The following CACNG4 variants were observed in gnomAD, a reference collection of about 807,000 sequenced individuals.
The protein encoded by CACNG4 is voltage-dependent calcium channel gamma-4 subunit.
A neutral mutation model predicts 22.9 loss-of-function variants in CACNG4; 8 were observed. The ratio of observed to expected loss-of-function variants is 0.35; its 90% CI spans 0.21 to 0.63. The LOEUF is 0.63. Among genes scored for constraint, CACNG4 ranks in the 30% least tolerant of loss-of-function variants. The pLI is 0.72. For missense variants in CACNG4, 357 were observed against 455.4 expected (o/e 0.78, Z 1.97); for synonymous variants, 188 against 191.9 (o/e 0.98, Z 0.17).
chr17:67,009,275 T>C (rs2035454651), intron 1 of CACNG4, among the ~76,000 whole-genome samples: 1 of 152,168 alleles, frequency 6.6e-6, no homozygotes, highest in African/African-American at 2.4e-5. Context: ...TGTATGATAC[T>C]TCGTTAAAGT....
At chr17:66,973,641 G>A (rs563713394) in intron 1 of CACNG4, among the ~76,000 whole-genome samples, 10 of 152,330 alleles carry the variant, frequency 6.6e-5, no homozygotes, top group South Asian at 2.1e-4. Flanking sequence ...ACTCCCTCCC[G>A]TGGTGTCTGT....
chr17:66,978,185 C>T (rs1197521355), intron 1 of CACNG4, among the ~76,000 whole-genome samples: 1 of 152,150 alleles, frequency 6.6e-6, no homozygotes, highest in African/African-American at 2.4e-5. Flanking sequence ...AGCTGTGGGG[C>T]CTTAAGCCAG....
chr17:66,978,811 C>G (rs1001341105), intron 1 of CACNG4, among the ~76,000 whole-genome samples: 2 of 152,234 alleles, frequency 1.3e-5, no homozygotes, highest in Non-Finnish European at 2.9e-5. Flanking sequence ...TTCCTGATAT[C>G]CAACTCCTCT....
intron 1 of CACNG4, among the ~76,000 whole-genome samples, chr17:66,974,985 TG>T (rs1332930311): frequency 7.2e-5 from 10 of 139,012 alleles, no homozygotes; most frequent in Admixed American, 1.4e-4. Flanking sequence ...GACTTGCCTC[TG>T]AGGACTGTAG....
chr17:66,980,801 T>C (rs947668836), intron 1 of CACNG4, among the ~76,000 whole-genome samples: 3 of 151,720 alleles, frequency 2.0e-5, no homozygotes, highest in Admixed American at 6.6e-5. Context: ...GTATTTTCAG[T>C]AGAGACAGGG....
At chr17:66,973,699 G>A (rs3785599) in intron 1 of CACNG4, among the ~76,000 whole-genome samples, 83,982 of 152,038 alleles carry the variant, frequency 0.55, 23,432 homozygotes, top group Middle Eastern at 0.71. Flanking sequence ...TCAGAGAAGC[G>A]GCACTGCCCT....
In CACNG4 at chr17:67,030,984, C is replaced by A; in HGVS notation, c.964C>A (p.Arg322=). 6.2e-7 allele frequency: 1 copy of A among 1,612,310 alleles called. No homozygotes were observed. Among genetic ancestry groups the A allele is most frequent in the Non-Finnish European group, 8.5e-7 (1 of 1,178,750 alleles). ...AGGTTTCCACGTCAGCATGCTGAAC[C>A]GACGGACGACCCCTGTGTGAGCCGC... ...KEGFHVSMLN[R]RTTPV Residue 322 remains arginine (R), a synonymous_variant, in exon 4 of 4, where the codon CGA becomes AGA. Transcript: ENST00000262138. This position sits in a 1 kb window ranked among gnomAD's most constrained non-coding sequence, Gnocchi z 6.4.
intron 1 of CACNG4, among the ~76,000 whole-genome samples, chr17:66,967,115 C>G (rs2035175766): frequency 6.6e-6 from 1 of 152,204 alleles, no homozygotes; most frequent in African/African-American, 2.4e-5. Flanking sequence ...CGCCAGCAAA[C>G]CTGGCTTCCT....
At chr17:66,988,892 A>G (rs993810532) in intron 1 of CACNG4, among the ~76,000 whole-genome samples, 2 of 151,790 alleles carry the variant, frequency 1.3e-5, no homozygotes, top group South Asian at 2.1e-4. Flanking sequence ...AACCCTGTCT[A>G]TACTAAAAAT....
chr17:66,995,820 G>A lies in CACNG4; in HGVS notation c.221-22369G>A, dbSNP rs200398936. Among the ~76,000 whole-genome samples the A allele has an allele frequency of 1.3e-4, 19 of 151,936 alleles. 1 individual carries two copies. The East Asian group carries it at 1.7e-3, about 14-fold the overall frequency. On this transcript the variant is annotated intron_variant, in intron 1 of 3. Transcript: ENST00000262138. ...AGCCAAGATCGTGCCACTGCACTCC[G>A]GCCTGGGTGACAGAGCAAGACTCCA...
intron 1 of CACNG4, among the ~76,000 whole-genome samples, chr17:67,003,306 A>G (rs192783626): frequency 6.6e-6 from 1 of 151,956 alleles, no homozygotes; most frequent in Admixed American, 6.6e-5. Context: ...TACAGCTAAT[A>G]GGTGGTAACA....
chr17:66,996,595 G>A (rs1315317437), intron 1 of CACNG4, among the ~76,000 whole-genome samples: 1 of 152,012 alleles, frequency 6.6e-6, no homozygotes, highest in African/African-American at 2.4e-5. Flanking sequence ...TGGCCAGGCT[G>A]GTCTCAAACT....
chr17:67,014,338 A>C (rs1309399340), intron 1 of CACNG4, among the ~76,000 whole-genome samples: 1 of 152,206 alleles, frequency 6.6e-6, no homozygotes, highest in Non-Finnish European at 1.5e-5. Context: ...CGCTAACGAA[A>C]TTAAATTTGA....
At chr17:66,998,085 G>A (rs1738189151) in intron 1 of CACNG4, among the ~76,000 whole-genome samples, 1 of 152,208 alleles carries the variant, frequency 6.6e-6, no homozygotes, top group Non-Finnish European at 1.5e-5. Context: ...TGCAATGTCA[G>A]GGTTCAGGAC....
chr17:67,003,298 C>T (rs1180336876), intron 1 of CACNG4, among the ~76,000 whole-genome samples: 3 of 151,600 alleles, frequency 2.0e-5, no homozygotes, highest in East Asian at 1.9e-4. Flanking sequence ...CCAGATCATA[C>T]AGCTAATAGG....
At chr17:66,974,371 G>A (rs1339386607) in intron 1 of CACNG4, among the ~76,000 whole-genome samples, 3 of 152,196 alleles carry the variant, frequency 2.0e-5, no homozygotes, top group African/African-American at 7.2e-5. Context: ...TTATTCGAGG[G>A]ACATTCTGTT....
rs2035592885 is a variant in CACNG4 at position 67,030,021 on chromosome 17, C to G, written c.446-445C>G. ...CCTGGTTAGGTGGGTCGTGAGACTTCTGTATGGCGGTGCCGCACGTAGTTA... is the reference window on the plus strand; with the variant it reads ...CCTGGTTAGGTGGGTCGTGAGACTTGTGTATGGCGGTGCCGCACGTAGTTA... On this transcript the variant is annotated intron_variant, in intron 3 of 3. Coordinates refer to ENST00000262138, the MANE Select transcript of CACNG4 (RefSeq NM_014405.4). The surrounding 1 kb of genome is among the most constrained non-coding windows in gnomAD (Gnocchi z 6.4). Among the ~76,000 whole-genome samples the G allele has an allele frequency of 6.6e-6, 1 of 152,322 alleles. No individual in the cohort carries two copies. The highest frequency in any genetic ancestry group is 2.1e-4 in the South Asian group (1 of 4,832).
intron 1 of CACNG4, among the ~76,000 whole-genome samples, chr17:66,989,129 T>TTATTC (rs2035323446): frequency 6.6e-6 from 1 of 150,708 alleles, no homozygotes; most frequent in Admixed American, 6.6e-5. Flanking sequence ...TAAGAGCTTT[T>TTATTC]TATTCCCGGC....
At chr17:67,028,281 C>T (rs111715136) in intron 3 of CACNG4, among the ~76,000 whole-genome samples, 1,615 of 152,178 alleles carry the variant, frequency 0.011, 23 homozygotes, top group African/African-American at 0.028. Context: ...GGGCCGGGCA[C>T]GGTGGCTCAC....
Sources: gnomAD v4.1 joint callset for allele counts (sites outside exome capture counted in the v4.1 genomes callset) on GRCh38, gnomAD v4.1.1 for gene constraint, Gnocchi (gnomAD v3.1) non-coding constraint, MANE v1.5 for transcripts, NCBI Gene and HGNC (gene_info 2026-07-23, HGNC 2026-07-21) for gene names.